The following GABBR2 variants were observed in gnomAD, a reference collection of about 807,000 sequenced individuals.
GABBR2 encodes gamma-aminobutyric acid type B receptor subunit 2, also known as G-protein coupled receptor 51.
A neutral mutation model predicts 105.6 loss-of-function variants in GABBR2; 23 were observed. The observed-to-expected ratio is 0.22, with a 90% CI of 0.16 to 0.31. The LOEUF is 0.31. Ranked by LOEUF, GABBR2 falls within the 10% of genes least tolerant of loss-of-function variation. GABBR2 has a pLI of 1.00. For missense variants in GABBR2, 734 were observed against 1,245.5 expected (o/e 0.59, Z 6.18); for synonymous variants, 478 against 499.7 (o/e 0.96, Z 0.58).
intron 11 of GABBR2, among the ~76,000 whole-genome samples, chr9:98,376,309 T>C (rs1471838804): frequency 6.6e-6 from 1 of 152,178 alleles, no homozygotes; most frequent in East Asian, 1.9e-4. Context: ...CTGGCAGGCC[T>C]GTTCTGACAG....
chr9:98,553,372 T>C (rs893550088), intron 2 of GABBR2, among the ~76,000 whole-genome samples: 3 of 151,914 alleles, frequency 2.0e-5, no homozygotes, highest in South Asian at 4.2e-4. Context: ...GGCAGGAGGA[T>C]TGCCTGAGGC....
chr9:98,376,888 A>C (rs1379746722), intron 11 of GABBR2, among the ~76,000 whole-genome samples: 1 of 152,076 alleles, frequency 6.6e-6, no homozygotes. Flanking sequence ...AATCAGAGAG[A>C]GGTTTCTCCT....
At chr9:98,485,558 G>C (rs1827027879) in intron 4 of GABBR2, among the ~76,000 whole-genome samples, 1 of 151,926 alleles carries the variant, frequency 6.6e-6, no homozygotes. Context: ...ATGACACTTA[G>C]CAAGGATAAC....
At chr9:98,591,381 C>A (rs1829142678) in intron 1 of GABBR2, among the ~76,000 whole-genome samples, 1 of 152,158 alleles carries the variant, frequency 6.6e-6, no homozygotes, top group Non-Finnish European at 1.5e-5. Context: ...GCGTCGGGAA[C>A]ACTGAACACA....
At position 98,388,411 on chromosome 9, in the gene GABBR2, C is replaced by A. The variant is rs778749005; in HGVS notation, c.1529+443G>T. ...GTCCATTTCACTGGACTTTGTGACC[C>A]CCTTCAGTGGTGATTCCCAGCGATG... is the stretch of plus-strand genomic sequence containing the variant. On this transcript the variant is annotated intron_variant, in intron 10 of 18. Coordinates refer to ENST00000259455, the MANE Select transcript of GABBR2 (RefSeq NM_005458.8). The surrounding 1 kb of genome is among the most constrained non-coding windows in gnomAD (Gnocchi z 4.4). Among the ~76,000 whole-genome samples, 3 of 152,068 alleles carry A rather than the reference C, an allele frequency of 2.0e-5. No homozygotes were observed. The highest frequency in any genetic ancestry group is 7.2e-5 in the African/African-American group (3 of 41,390).
At chr9:98,608,222 C>A (rs1829458642) in intron 1 of GABBR2, 2 of 777,028 alleles carry the variant, frequency 2.6e-6, no homozygotes, top group Non-Finnish European at 4.2e-6. Flanking sequence ...CAATTTGAGC[C>A]AGTTTTATCT....
intron 13 of GABBR2, among the ~76,000 whole-genome samples, chr9:98,348,601 A>G (rs182547207): frequency 3.0e-4 from 45 of 152,048 alleles, no homozygotes; most frequent in African/African-American, 1.0e-3. Flanking sequence ...TGTTCTCTTC[A>G]ATTTCTTTCA....
chr9:98,543,674 A>G (rs1229704516), intron 2 of GABBR2, among the ~76,000 whole-genome samples: 2 of 152,120 alleles, frequency 1.3e-5, no homozygotes, highest in Non-Finnish European at 2.9e-5. Context: ...CTATGTGTAA[A>G]AGTAATTGGT....
intron 7 of GABBR2, among the ~76,000 whole-genome samples, chr9:98,449,003 T>C (rs907429527): frequency 6.6e-6 from 1 of 152,240 alleles, no homozygotes; most frequent in East Asian, 1.9e-4. Context: ...AAGCATGTGC[T>C]GAAAGGTTAT....
intron 1 of GABBR2, among the ~76,000 whole-genome samples, chr9:98,639,599 C>CAAA (rs113683310): frequency 2.0e-3 from 281 of 141,240 alleles, no homozygotes; most frequent in Non-Finnish European, 1.8e-3. Context: ...CACGCATAGA[C>CAAA]AAAAAAAAAA....
At chr9:98,581,634 GATA>G (rs1829005317) in intron 1 of GABBR2, among the ~76,000 whole-genome samples, 1 of 151,938 alleles carries the variant, frequency 6.6e-6, no homozygotes, top group South Asian at 2.1e-4. Flanking sequence ...AGCACGAGCA[GATA>G]ATAACAGAGT....
chr9:98,621,553 C>G (rs185555361), intron 1 of GABBR2, among the ~76,000 whole-genome samples: 17 of 152,308 alleles, frequency 1.1e-4, no homozygotes, highest in Non-Finnish European at 2.5e-4. Flanking sequence ...ATTCTGCAGA[C>G]TGAAAGCAGC....
At chr9:98,641,800 T>A (rs1184512218) in intron 1 of GABBR2, among the ~76,000 whole-genome samples, 2 of 152,116 alleles carry the variant, frequency 1.3e-5, no homozygotes, top group Admixed American at 6.5e-5. Flanking sequence ...ATTAATAGCA[T>A]CTCTGGCATC....
intron 4 of GABBR2, among the ~76,000 whole-genome samples, chr9:98,491,997 TA>T (rs1759213013): frequency 6.6e-6 from 1 of 152,118 alleles, no homozygotes; most frequent in Non-Finnish European, 1.5e-5. Context: ...GTGAGCCCCA[TA>T]CAGTGCAGAA....
At chr9:98,585,562 A>G (rs970963087) in intron 1 of GABBR2, among the ~76,000 whole-genome samples, 25 of 151,846 alleles carry the variant, frequency 1.6e-4, no homozygotes, top group African/African-American at 6.0e-4. Context: ...TAATGGGTGC[A>G]GCACACCAAC....
chr9:98,684,183 A>AT, intron 1 of GABBR2, among the ~76,000 whole-genome samples: 1 of 147,642 alleles, frequency 6.8e-6, no homozygotes. Flanking sequence ...AAAAAAAAAA[A>AT]AAAAAAAAAA....
At position 98,306,743 on chromosome 9, in the gene GABBR2, G is replaced by A. The variant is rs1482385991; in HGVS notation, c.2005-398C>T. Reference sequence around the variant, plus strand: ...GCACAGCAATATGGTAGCAAAAATGGGCTGTGTTTTTAGAAATTCACTCCA... The same window carrying A: ...GCACAGCAATATGGTAGCAAAAATGAGCTGTGTTTTTAGAAATTCACTCCA... On this transcript the variant is annotated intron_variant, in intron 14 of 18. Transcript: ENST00000259455. The surrounding 1 kb of genome is among the most constrained non-coding windows in gnomAD (Gnocchi z 5.4). 1.3e-5 allele frequency among the ~76,000 whole-genome samples: 2 copies of A among 152,094 alleles called. No individual in the cohort carries two copies. The highest frequency in any genetic ancestry group is 2.4e-5 in the African/African-American group (1 of 41,418).
At position 98,626,592 on chromosome 9, in the gene GABBR2, C is replaced by T. The variant is rs1347069685; in HGVS notation, c.322-48520G>A. On this transcript the variant is annotated intron_variant, in intron 1 of 18. Transcript: ENST00000259455. Reference sequence around the variant, plus strand: ...ACTCCATGCCTCAGTTTCTGTACAACGGGGATAACAATACTTATATCTCTT... The same window carrying T: ...ACTCCATGCCTCAGTTTCTGTACAATGGGGATAACAATACTTATATCTCTT... Among the ~76,000 whole-genome samples the T allele has an allele frequency of 5.3e-5, 8 of 151,918 alleles. 1 individual carries two copies. Among genetic ancestry groups the T allele is most frequent in the African/African-American group, 9.7e-5 (4 of 41,338 alleles).
intron 1 of GABBR2, among the ~76,000 whole-genome samples, chr9:98,675,983 C>T (rs999492491): frequency 6.6e-6 from 1 of 152,178 alleles, no homozygotes; most frequent in African/African-American, 2.4e-5. Context: ...AAGCACACCC[C>T]CCCAAATATA....
Sources: allele counts gnomAD v4.1 joint callset (sites outside exome capture counted in the v4.1 genomes callset), GRCh38; gene constraint gnomAD v4.1.1; non-coding constraint Gnocchi (gnomAD v3.1); transcripts MANE v1.5; gene names NCBI Gene and HGNC (gene_info 2026-07-23, HGNC 2026-07-21).